EXT1: variants seen among roughly 807,000 people sequenced by gnomAD.
EXT1 encodes the protein exostosin-1.
EXT1 carries 20 observed loss-of-function variants against 82.5 expected under a neutral mutation model. That is an observed-to-expected ratio of 0.24 (90% CI 0.17 to 0.35). The LOEUF is 0.35. EXT1 is among the 10% of genes least tolerant of loss of function. EXT1 has a pLI of 1.00. For missense variants in EXT1, 757 were observed against 936.5 expected, an observed-to-expected ratio of 0.81 and a Z score of 2.50; for synonymous variants, 348 against 350.8, an observed-to-expected ratio of 0.99 and a Z score of 0.09.
intron 1 of EXT1, among the ~76,000 whole-genome samples, chr8:118,019,433 C>G (rs774162304): frequency 7.2e-5 from 11 of 152,172 alleles, no homozygotes; most frequent in Non-Finnish European, 4.4e-5. Flanking sequence ...GAGAATACGA[C>G]TCAGAGCCAT....
chr8:118,029,602 C>G (rs535667433), intron 1 of EXT1, among the ~76,000 whole-genome samples: 11 of 152,156 alleles, frequency 7.2e-5, no homozygotes, highest in Non-Finnish European at 1.2e-4. Flanking sequence ...ATTTCCCCAT[C>G]TCACAGGTCA....
In EXT1 at chr8:118,110,638, C is replaced by A; in HGVS notation, c.409G>T (p.Ala137Ser). The A allele has an allele frequency of 6.2e-7, 1 of 1,614,162 alleles. No homozygotes were observed. The highest frequency in any genetic ancestry group is 8.5e-7 in the Non-Finnish European group (1 of 1,180,030). The change falls in exon 1 of 11, where the codon GCC becomes TCC. Residue 137 changes from alanine to serine, a missense_variant. Transcript: ENST00000378204. Reference protein sequence around the residue: ...IAESYQNILAAIEGSRFYTSD... With the variant: ...IAESYQNILASIEGSRFYTSD... Reference sequence around the variant, plus strand: ...GTGTAGAACCTGGAGCCCTCGATGGCCGCTAGAATGTTTTGGTAACTTTCG... The same window carrying A: ...GTGTAGAACCTGGAGCCCTCGATGGACGCTAGAATGTTTTGGTAACTTTCG...
intron 1 of EXT1, among the ~76,000 whole-genome samples, chr8:117,922,552 A>G (rs920838877): frequency 3.9e-5 from 6 of 152,146 alleles, no homozygotes; most frequent in African/African-American, 1.2e-4. Context: ...CTTTCTTAGG[A>G]TTGAGGAATT....
At chr8:117,931,368 T>C (rs947692086) in intron 1 of EXT1, among the ~76,000 whole-genome samples, 2 of 151,916 alleles carry the variant, frequency 1.3e-5, no homozygotes, top group Admixed American at 6.6e-5. Flanking sequence ...TGCTTAGAAA[T>C]AAAAATAAAT....
intron 1 of EXT1, among the ~76,000 whole-genome samples, chr8:118,059,077 C>G (rs1309355469): frequency 6.6e-6 from 1 of 152,220 alleles, no homozygotes; most frequent in Non-Finnish European, 1.5e-5. Flanking sequence ...TGGTACTATG[C>G]TGGGAGGACC....
intron 1 of EXT1, among the ~76,000 whole-genome samples, chr8:117,905,550 C>T (rs113689554): frequency 1.3e-5 from 2 of 152,034 alleles, no homozygotes; most frequent in East Asian, 1.9e-4. Context: ...TGGTGGCTCA[C>T]GCCTGTAATC....
rs7837891 is a variant in EXT1, at chr8:117,807,339, C to T, written c.1761G>A (p.Glu587=). The change falls in exon 9 of 11, where the codon GAG becomes GAA. Residue 587 remains glutamate (E), a synonymous_variant. Transcript: ENST00000378204. ...FAFTVWQSFP[E]RIVGYPARSH... ...TGCGCGCGGGGTACCCCACAATCCT[C>T]TCAGGGAAGCTCTGCCACACTGTGA... 0.4 allele frequency: 644,048 copies of T among 1,613,820 alleles called. 131,429 individuals are homozygous for T. Among genetic ancestry groups the T allele is most frequent in the Admixed American group, 0.53 (31,594 of 59,978 alleles).
At chr8:117,802,100 G>A (rs1358334292) in intron 10 of EXT1, among the ~76,000 whole-genome samples, 2 of 152,154 alleles carry the variant, frequency 1.3e-5, no homozygotes, top group Admixed American at 6.5e-5. Context: ...AAATTAATGT[G>A]TATGATGGAA....
intron 1 of EXT1, among the ~76,000 whole-genome samples, chr8:117,944,231 A>T (rs1448623879): frequency 6.6e-6 from 1 of 152,162 alleles, no homozygotes; most frequent in South Asian, 2.1e-4. Context: ...CTCCGTCTCT[A>T]CAAAAAAATA....
chr8:117,847,808 CAG>C (rs1179619552), intron 1 of EXT1, among the ~76,000 whole-genome samples: 22 of 152,348 alleles, frequency 1.4e-4, no homozygotes, highest in East Asian at 5.8e-4. Context: ...AGGCACTGTG[CAG>C]AGTCTGTCCC....
chr8:117,883,002 A>G (rs1280815326), intron 1 of EXT1, among the ~76,000 whole-genome samples: 1 of 151,596 alleles, frequency 6.6e-6, no homozygotes, highest in South Asian at 2.1e-4. Context: ...AAAAAGAAAG[A>G]AAAAAAATGA....
At chr8:117,989,243 C>T (rs1488042014) in intron 1 of EXT1, among the ~76,000 whole-genome samples, 1 of 151,428 alleles carries the variant, frequency 6.6e-6, no homozygotes, top group Non-Finnish European at 1.5e-5. Flanking sequence ...AATTCCTCCC[C>T]CCACCCCCAT....
intron 1 of EXT1, among the ~76,000 whole-genome samples, chr8:117,895,851 C>T (rs1257048253): frequency 6.6e-6 from 1 of 152,140 alleles, no homozygotes. Context: ...TGCCTAGTGC[C>T]TCCGTTCGCA....
At chr8:117,826,254 T>C (rs1054788492) in intron 4 of EXT1, among the ~76,000 whole-genome samples, 1 of 152,154 alleles carries the variant, frequency 6.6e-6, no homozygotes, top group Non-Finnish European at 1.5e-5. Context: ...GAAAATGAGA[T>C]GTCCTGTTTT....
intron 1 of EXT1, among the ~76,000 whole-genome samples, chr8:118,052,082 C>G (rs918778470): frequency 1.3e-5 from 2 of 152,158 alleles, no homozygotes; most frequent in African/African-American, 4.8e-5. Context: ...ACGTTAAGGT[C>G]ATCATGTCAA....
In EXT1 at chr8:117,982,560, G is replaced by A. The variant is rs773208344; in HGVS notation, c.962+127525C>T. Among the ~76,000 whole-genome samples the A allele has an allele frequency of 5.3e-4, 80 of 151,852 alleles. 1 individual carries two copies. The highest frequency in any genetic ancestry group is 8.8e-5 in the Non-Finnish European group (6 of 67,986). On this transcript the variant is annotated intron_variant, in intron 1 of 10. Coordinates refer to ENST00000378204, the MANE Select transcript of EXT1 (RefSeq NM_000127.3). ...GGCTGGAGTGCAGTGGCACAATCTC[G>A]GCTCACTGCAGCCCCTGCCTCCTGG... is the stretch of plus-strand genomic sequence containing the variant.
chr8:118,083,595 GCT>G (rs1817368828), intron 1 of EXT1, among the ~76,000 whole-genome samples: 1 of 152,106 alleles, frequency 6.6e-6, no homozygotes, highest in Non-Finnish European at 1.5e-5. Context: ...AGTTTAATAG[GCT>G]CCTAAGACGC....
rs1323753312 is a variant in EXT1, at chr8:117,794,809, A to G, written c.*4903T>C. The G allele has an allele frequency of 2.6e-5, 4 of 152,264 alleles. No homozygotes were observed. Among genetic ancestry groups the G allele is most frequent in the African/African-American group, 9.6e-5 (4 of 41,476 alleles). The allele number at this position is 152,264 out of a possible 1,614,324, so 9.4% of individuals were successfully genotyped here. On this transcript the variant is annotated 3_prime_UTR_variant, in exon 11 of 11. Coordinates refer to ENST00000378204, the MANE Select transcript of EXT1 (RefSeq NM_000127.3). ...TTAGAAAACTCTGTCCCAAGTGTAC[A>G]TCGTATACAAAATAAGGTATACTTT...
At chr8:118,013,485 A>T (rs1815943675) in intron 1 of EXT1, among the ~76,000 whole-genome samples, 1 of 152,168 alleles carries the variant, frequency 6.6e-6, no homozygotes, top group South Asian at 2.1e-4. Context: ...CTAGGATTAC[A>T]GGCATGAGCC....
Sources: gnomAD v4.1 joint callset for allele counts (sites outside exome capture counted in the v4.1 genomes callset) on GRCh38, gnomAD v4.1.1 for gene constraint, MANE v1.5 for transcripts, NCBI Gene and HGNC (gene_info 2026-07-23, HGNC 2026-07-21) for gene names.